SEMA3E: variants seen among roughly 807,000 people sequenced by gnomAD.
SEMA3E encodes the protein semaphorin 3E, also known as semaphorin-3E.
A neutral mutation model predicts 93.6 loss-of-function variants in SEMA3E; 49 were observed. The ratio of observed to expected loss-of-function variants is 0.52; its 90% CI spans 0.42 to 0.66. SEMA3E has a LOEUF of 0.66. Among genes scored for constraint, SEMA3E ranks in the 30% least tolerant of loss-of-function variants. The pLI, the probability that SEMA3E is intolerant of heterozygous loss-of-function variation, is 0.00. For missense variants in SEMA3E, 906 were observed against 964.8 expected, an observed-to-expected ratio of 0.94 and a Z score of 0.81; for synonymous variants, 363 against 330.7, an observed-to-expected ratio of 1.10 and a Z score of -1.06.
intron 15 of SEMA3E, among the ~76,000 whole-genome samples, chr7:83,386,738 C>A (rs991339104): frequency 1.5e-4 from 23 of 152,042 alleles, no homozygotes; most frequent in African/African-American, 4.8e-4. Flanking sequence ...TCTAGGGTTT[C>A]TTTGTTTTAA....
At chr7:83,537,983 A>T (rs898363008) in intron 1 of SEMA3E, among the ~76,000 whole-genome samples, 2 of 152,084 alleles carry the variant, frequency 1.3e-5, no homozygotes, top group African/African-American at 4.8e-5. Flanking sequence ...TGGTATGTGA[A>T]CTTTTATAAC....
intron 1 of SEMA3E, among the ~76,000 whole-genome samples, chr7:83,602,659 G>C (rs1793021940): frequency 6.6e-6 from 1 of 152,046 alleles, no homozygotes; most frequent in Non-Finnish European, 1.5e-5. Flanking sequence ...CGTATTTTTA[G>C]TAGAAACGGG....
intron 1 of SEMA3E, among the ~76,000 whole-genome samples, chr7:83,531,675 A>G (rs1208513932): frequency 1.3e-5 from 2 of 152,150 alleles, no homozygotes; most frequent in Admixed American, 1.3e-4. Context: ...CTTAATAGAG[A>G]CATCTTCAAA....
intron 4 of SEMA3E, among the ~76,000 whole-genome samples, chr7:83,460,589 A>AC (rs988887885): frequency 7.4e-5 from 5 of 67,960 alleles, no homozygotes; most frequent in Non-Finnish European, 1.4e-4. Context: ...AGGGGCAAGT[A>AC]CCCCAACCCC....
At chr7:83,415,170 G>A (rs138978532) in intron 5 of SEMA3E, among the ~76,000 whole-genome samples, 2,264 of 152,144 alleles carry the variant, frequency 0.015, 58 homozygotes, top group African/African-American at 0.051. Flanking sequence ...GCATGGATAC[G>A]CAATGCAGCA....
At chr7:83,467,705 A>C (rs2723013) in intron 3 of SEMA3E, among the ~76,000 whole-genome samples, 66,907 of 152,000 alleles carry the variant, frequency 0.44, 16,178 homozygotes, top group East Asian at 0.66. Context: ...AAATAGGCAA[A>C]AAGCCACCTT....
At chr7:83,641,119 C>G (rs917178050) in intron 1 of SEMA3E, among the ~76,000 whole-genome samples, 4 of 152,176 alleles carry the variant, frequency 2.6e-5, no homozygotes, top group African/African-American at 7.2e-5. Flanking sequence ...AAAGCCCCAG[C>G]CTTTTCTCTA....
rs189549396 is a variant in SEMA3E at position 83,633,200 on chromosome 7, T to A, written c.115+15228A>T. ...TCTACTTCTCCTCTTCCCTCTCCCA[T>A]GCCCCCTTCTTTACCTCTTCTTCTT... On this transcript the variant is annotated intron_variant, in intron 1 of 16. Transcript: ENST00000643230. Among the ~76,000 whole-genome samples the A allele has an allele frequency of 2.2e-3, 338 of 152,212 alleles. 2 individuals are homozygous for A. The highest frequency in any genetic ancestry group is 7.8e-3 in the African/African-American group (325 of 41,552).
chr7:83,454,296 T>TATATATATATATATAA (rs1350195502), intron 4 of SEMA3E, among the ~76,000 whole-genome samples: 4 of 130,638 alleles, frequency 3.1e-5, no homozygotes, highest in African/African-American at 1.1e-4. Context: ...TATATATATA[T>TATATATATATATATAA]AATGTGTGTA....
intron 5 of SEMA3E, among the ~76,000 whole-genome samples, chr7:83,412,113 CTG>C (rs1270738203): frequency 2.0e-5 from 3 of 152,116 alleles, no homozygotes; most frequent in African/African-American, 7.2e-5. Context: ...TATGTTCTCT[CTG>C]CTCTTTGGCC....
At chr7:83,574,683 G>A (rs1294174265) in intron 1 of SEMA3E, among the ~76,000 whole-genome samples, 1 of 152,078 alleles carries the variant, frequency 6.6e-6, no homozygotes, top group Non-Finnish European at 1.5e-5. Flanking sequence ...ATAATCCTTA[G>A]TGACCACTAA....
intron 4 of SEMA3E, among the ~76,000 whole-genome samples, chr7:83,460,733 T>TGTGCCCCGGCCCCTTATCTCC (rs1185260665): frequency 6.9e-4 from 104 of 151,520 alleles, no homozygotes; most frequent in Non-Finnish European, 1.3e-3. Context: ...CTTGTATCTC[T>TGTGCCCCGGCCCCTTATCTCC]GTGCCCCGGC....
intron 1 of SEMA3E, among the ~76,000 whole-genome samples, chr7:83,538,789 A>C (rs1791460707): frequency 6.6e-6 from 1 of 152,088 alleles, no homozygotes. Flanking sequence ...GTCTCCTCTC[A>C]ATATATTTTA....
chr7:83,367,411 TAA>T lies in SEMA3E; in HGVS notation c.*173_*174del, dbSNP rs1295550616. 7.6e-6 allele frequency: 5 copies of T among 655,070 alleles called. No individual in the cohort carries two copies. The highest frequency in any genetic ancestry group is 5.5e-5 in the East Asian group (2 of 36,320). 40.6% of individuals were successfully genotyped at this position (655,070 alleles called of 1,614,324 possible). The stretch of plus-strand genomic sequence containing the variant: ...ATTTAAAAAATTAGTTAATTTTATG[TAA>T]AGTTTATCCAGTCAAATGAGTATGT... On this transcript the variant is annotated 3_prime_UTR_variant, in exon 17 of 17. Coordinates refer to ENST00000643230, the MANE Select transcript of SEMA3E (RefSeq NM_012431.3).
intron 1 of SEMA3E, among the ~76,000 whole-genome samples, chr7:83,509,769 T>A (rs1790778477): frequency 6.6e-6 from 1 of 152,132 alleles, no homozygotes; most frequent in African/African-American, 2.4e-5. Context: ...TTAAAAAAAT[T>A]TCCCCAGGTA....
At chr7:83,408,242 T>C (rs1788364200) in intron 6 of SEMA3E, 126 bp downstream of exon 6, 10 of 1,070,012 alleles carry the variant, frequency 9.3e-6, no homozygotes, top group Non-Finnish European at 1.4e-5. Context: ...ATGTTGCTAG[T>C]AAAACATTCT....
chr7:83,647,980 C>T (rs1781382507), intron 1 of SEMA3E, among the ~76,000 whole-genome samples: 1 of 152,022 alleles, frequency 6.6e-6, no homozygotes, highest in South Asian at 2.1e-4. Flanking sequence ...GGAAACAAAA[C>T]AAAACAAAAA....
At chr7:83,417,015 AGG>A (rs57588360) in intron 5 of SEMA3E, among the ~76,000 whole-genome samples, 69,919 of 121,532 alleles carry the variant, frequency 0.58, 17,318 homozygotes, top group East Asian at 0.75. Context: ...ACACACACAC[AGG>A]GAGAGAGAGA....
chr7:83,531,964 G>A (rs762700716), intron 1 of SEMA3E, among the ~76,000 whole-genome samples: 7 of 152,088 alleles, frequency 4.6e-5, no homozygotes, highest in African/African-American at 7.2e-5. Flanking sequence ...ATCATCGGGA[G>A]ACAGGACATT....
Sources: gnomAD v4.1 joint callset for allele counts (sites outside exome capture counted in the v4.1 genomes callset) on GRCh38, gnomAD v4.1.1 for gene constraint, MANE v1.5 for transcripts, NCBI Gene and HGNC (gene_info 2026-07-23, HGNC 2026-07-21) for gene names.